Variants in CD200R1 observed in about 807,000 individuals in gnomAD.
CD200R1 encodes the protein CD200 receptor 1, also known as cell surface glycoprotein CD200 receptor 1.
CD200R1 carries 30 observed loss-of-function variants against 38.1 expected under a neutral mutation model. That is an observed-to-expected ratio of 0.79 (90% CI 0.59 to 1.07). The LOEUF is 1.07. Among genes scored for constraint, CD200R1 ranks in the 50% least tolerant of loss-of-function variants. CD200R1 has a pLI of 0.00. For synonymous variants in CD200R1, 128 were observed against 152.1 expected, an observed-to-expected ratio of 0.84 and a Z score of 1.16; for missense variants, 372 against 415.4, an observed-to-expected ratio of 0.90 and a Z score of 0.91.
intron 5 of CD200R1, among the ~76,000 whole-genome samples, chr3:112,925,707 A>T (rs1940265479): frequency 6.6e-6 from 1 of 152,090 alleles, no homozygotes; most frequent in African/African-American, 2.4e-5. Flanking sequence ...CTTATATGGG[A>T]AATTTCTGTA....
At chr3:112,944,742 T>C (rs1559950601) in intron 2 of CD200R1, among the ~76,000 whole-genome samples, 1 of 152,074 alleles carries the variant, frequency 6.6e-6, no homozygotes, top group Non-Finnish European at 1.5e-5. Context: ...GTAAAGCATC[T>C]GAAAGAATTG....
rs1940207464 is a variant in CD200R1 at position 112,923,125 on chromosome 3, T to C, written c.*552A>G. 6.6e-6 allele frequency: 1 copy of C among 151,848 alleles called. No individual in the cohort carries two copies. The highest frequency in any genetic ancestry group is 2.1e-4 in the South Asian group (1 of 4,822). 9.4% of individuals were successfully genotyped at this position (151,848 alleles called of 1,614,324 possible). On this transcript the variant is annotated 3_prime_UTR_variant, in exon 8 of 8. Transcript: ENST00000308611. ...ATACAATGGAATTTTATATAACCAT[T>C]AAAAAGAATGAGGTAGCTCTACTTG...
chr3:112,926,828 A>AGAT (rs1339511923), intron 5 of CD200R1, among the ~76,000 whole-genome samples: 1 of 151,986 alleles, frequency 6.6e-6, no homozygotes, highest in Non-Finnish European at 1.5e-5. Flanking sequence ...AGACAAGAAC[A>AGAT]GATGAAAGAT....
At chr3:112,928,053 T>C (rs2107302225) in intron 5 of CD200R1, among the ~76,000 whole-genome samples, 1 of 152,302 alleles carries the variant, frequency 6.6e-6, no homozygotes, top group Middle Eastern at 3.4e-3. Context: ...TAATGTGAAA[T>C]CCTCATCTAC....
At chr3:112,970,908 A>C (rs1933291812) in intron 1 of CD200R1, among the ~76,000 whole-genome samples, 1 of 152,174 alleles carries the variant, frequency 6.6e-6, no homozygotes, top group Admixed American at 6.5e-5. Flanking sequence ...CTCTTCTCAG[A>C]TCTTCCTATC....
At chr3:112,971,601 T>G (rs1933311304) in intron 1 of CD200R1, among the ~76,000 whole-genome samples, 1 of 152,176 alleles carries the variant, frequency 6.6e-6, no homozygotes, top group Non-Finnish European at 1.5e-5. Flanking sequence ...CCACCGCCAC[T>G]CAATGGGACA....
At chr3:112,953,831 CTCT>C (rs1941025562) in intron 1 of CD200R1, among the ~76,000 whole-genome samples, 1 of 151,946 alleles carries the variant, frequency 6.6e-6, no homozygotes, top group Admixed American at 6.6e-5. Flanking sequence ...GTGAGTCTCT[CTCT>C]TTTTTTCTCA....
chr3:112,945,268 A>G (rs1461640670), intron 2 of CD200R1, among the ~76,000 whole-genome samples: 1 of 152,244 alleles, frequency 6.6e-6, no homozygotes, highest in African/African-American at 2.4e-5. Flanking sequence ...TAGTCAACAC[A>G]TTATTGAAGA....
intron 3 of CD200R1, among the ~76,000 whole-genome samples, chr3:112,930,116 TA>T (rs35297201): frequency 0.46 from 68,274 of 147,814 alleles, 15,456 homozygotes; most frequent in Admixed American, 0.49. Context: ...CACAGATCTT[TA>T]AAAAAAAAAA....
chr3:112,956,856 C>A (rs1044212623), intron 1 of CD200R1, among the ~76,000 whole-genome samples: 1 of 152,180 alleles, frequency 6.6e-6, no homozygotes, highest in Admixed American at 6.5e-5. Flanking sequence ...GGCATGCCTA[C>A]CTCTGAGGTT....
In CD200R1 at chr3:112,925,171, T is replaced by A; in HGVS notation, c.792A>T (p.Ala264=). 1 of 1,600,578 alleles carries A rather than the reference T, an allele frequency of 6.2e-7. No homozygotes were observed. Among genetic ancestry groups the A allele is most frequent in the South Asian group, 1.1e-5 (1 of 90,068 alleles). The change falls in exon 6 of 8, where the codon GCA becomes GCT. Residue 264 remains alanine (A), a synonymous_variant. Transcript: ENST00000308611. ...LLPVPGAKKS[A]KLYIPYIILT... ...GGATGATATATGGAATATATAATTT[T>A]GCTGATTTTTTGGCACCTGGAACTA...
intron 5 of CD200R1, among the ~76,000 whole-genome samples, chr3:112,925,589 T>C (rs978291086): frequency 1.3e-5 from 2 of 152,092 alleles, no homozygotes; most frequent in African/African-American, 4.8e-5. Flanking sequence ...ATGTAAAGTA[T>C]GGACTTTGGG....
chr3:112,954,063 T>C (rs1162787850), intron 1 of CD200R1, among the ~76,000 whole-genome samples: 11 of 152,208 alleles, frequency 7.2e-5, no homozygotes, highest in Non-Finnish European at 1.6e-4. Flanking sequence ...TAGGCACTTA[T>C]TGCTATAAAT....
chr3:112,969,406 A>G (rs572728258), intron 1 of CD200R1, among the ~76,000 whole-genome samples: 1 of 152,374 alleles, frequency 6.6e-6, no homozygotes, highest in East Asian at 1.9e-4. Context: ...AGAAAATAAT[A>G]CCAGGTAGAA....
chr3:112,933,000 G>A (rs1036454722), intron 2 of CD200R1, among the ~76,000 whole-genome samples: 1 of 152,124 alleles, frequency 6.6e-6, no homozygotes, highest in Non-Finnish European at 1.5e-5. Flanking sequence ...GGCCCCTACT[G>A]TGAACAACCC....
intron 7 of CD200R1, 62 bp downstream of exon 7, chr3:112,924,428 T>C (rs199922505): frequency 3.3e-6 from 4 of 1,200,672 alleles, no homozygotes; most frequent in Non-Finnish European, 2.2e-6. Flanking sequence ...CTACAAATTA[T>C]GTTGCTAGAT....
At chr3:112,946,342 A>G (rs999152539) in intron 2 of CD200R1, among the ~76,000 whole-genome samples, 27 of 152,194 alleles carry the variant, frequency 1.8e-4, no homozygotes, top group African/African-American at 6.5e-4. Context: ...AATATTTCCA[A>G]TCCATGGTTG....
chr3:112,942,881 T>G (rs73853994), intron 2 of CD200R1, among the ~76,000 whole-genome samples: 5,546 of 151,772 alleles, frequency 0.037, 359 homozygotes, highest in African/African-American at 0.13. Context: ...TACATAATGA[T>G]GTGTTATCAT....
intron 2 of CD200R1, among the ~76,000 whole-genome samples, chr3:112,932,484 C>G (rs1194710507): frequency 6.6e-6 from 1 of 152,030 alleles, no homozygotes. Flanking sequence ...GCATCCTCAC[C>G]CAGGGCCTGG....
Sources: gnomAD v4.1 joint callset for allele counts (sites outside exome capture counted in the v4.1 genomes callset) on GRCh38, gnomAD v4.1.1 for gene constraint, MANE v1.5 for transcripts, NCBI Gene and HGNC (gene_info 2026-07-23, HGNC 2026-07-21) for gene names.